Variants in IGF1R observed in about 807,000 individuals in gnomAD.
IGF1R encodes the protein insulin-like growth factor 1 receptor.
Under a neutral mutation model 144.6 loss-of-function variants are expected in IGF1R, and 44 were observed. The ratio of observed to expected loss-of-function variants is 0.30; its 90% confidence interval spans 0.24 to 0.39. IGF1R has a LOEUF of 0.39. Among genes scored for constraint, IGF1R ranks in the 10% least tolerant of loss-of-function variants. The probability of loss-of-function intolerance (pLI) is 1.00; values close to 1 mark genes in which losing one functional copy is unlikely to be tolerated. For synonymous variants in IGF1R, 795 were observed against 722.8 expected, an observed-to-expected ratio of 1.10 and a Z score of -1.60; for missense variants, 1,355 against 1,833.7, an observed-to-expected ratio of 0.74 and a Z score of 4.77.
At position 98,922,286 on chromosome 15, in the gene IGF1R, C is replaced by G. The variant is rs2015523325; in HGVS notation, c.2340C>G (p.Ser780Arg). The G allele has an allele frequency of 1.5e-5, 24 of 1,614,162 alleles. No individual in the cohort carries two copies. The highest frequency in any genetic ancestry group is 2.0e-5 in the Non-Finnish European group (24 of 1,180,022). ...AGACAGAGTACCCTTTCTTTGAGAG[C>G]AGAGTGGATAACAAGGAGAGAACTG... Reference protein sequence around the residue: ...ELETEYPFFESRVDNKERTVI... With the variant: ...ELETEYPFFERRVDNKERTVI... The change falls in exon 11 of 21, where the codon AGC (serine) becomes AGG (arginine). Residue 780 changes from serine (S) to arginine (R), a missense_variant. Transcript: ENST00000650285.
intron 2 of IGF1R, among the ~76,000 whole-genome samples, chr15:98,743,674 G>A (rs1338484811): frequency 6.6e-6 from 1 of 152,206 alleles, no homozygotes; most frequent in Non-Finnish European, 1.5e-5. Flanking sequence ...GGATCAGTGG[G>A]AGATTAGTGT....
intron 2 of IGF1R, among the ~76,000 whole-genome samples, chr15:98,888,891 T>C (rs2013773681): frequency 6.6e-6 from 1 of 152,244 alleles, no homozygotes; most frequent in Non-Finnish European, 1.5e-5. Context: ...AAGTTCCTTT[T>C]ATCTCGCTTC....
intron 2 of IGF1R, among the ~76,000 whole-genome samples, chr15:98,855,217 C>G (rs953029146): frequency 2.0e-5 from 3 of 152,214 alleles, no homozygotes; most frequent in Non-Finnish European, 1.5e-5. Context: ...AGGACAGTCT[C>G]ATTTAATGGC....
intron 2 of IGF1R, among the ~76,000 whole-genome samples, chr15:98,719,986 AGC>A (rs1409941677): frequency 6.6e-6 from 1 of 152,226 alleles, no homozygotes; most frequent in Admixed American, 6.5e-5. Flanking sequence ...TGACCCCTTC[AGC>A]AAAAAATAAA....
In IGF1R at chr15:98,908,836, G is replaced by A. The variant is rs2151670314; in HGVS notation, c.1399G>A (p.Gly467Arg). Residue 467 changes from glycine (G) to arginine (R), a missense_variant, in exon 6 of 21, where the codon GGG (glycine) becomes AGG (arginine). Gly to Arg is a moderately radical substitution (Grantham distance 125). Coordinates refer to ENST00000650285, the MANE Select transcript of IGF1R (RefSeq NM_000875.5). Reference protein sequence around the residue: ...SEIYRMEEVTGTKGRQSKGDI... With the variant: ...SEIYRMEEVTRTKGRQSKGDI... ...AATTTACCGCATGGAGGAAGTGACGGGGACTAAAGGGCGCCAAAGCAAAGG... is the reference window on the plus strand; with the variant it reads ...AATTTACCGCATGGAGGAAGTGACGAGGACTAAAGGGCGCCAAAGCAAAGG... The A allele has an allele frequency of 6.2e-7, 1 of 1,614,186 alleles. No individual in the cohort carries two copies. The highest frequency in any genetic ancestry group is 8.5e-7 in the Non-Finnish European group (1 of 1,180,028).
chr15:98,690,781 A>AT (rs1193554244), intron 1 of IGF1R, among the ~76,000 whole-genome samples: 1 of 152,018 alleles, frequency 6.6e-6, no homozygotes, highest in Admixed American at 6.5e-5. Context: ...CCTTCCAGGC[A>AT]TTTTTTCCAT....
At position 98,910,920 on chromosome 15, in the gene IGF1R, CTT is replaced by C. The variant is rs1466973482; in HGVS notation, c.1463-394_1463-393del. Among the ~76,000 whole-genome samples the C allele has an allele frequency of 6.6e-5, 10 of 152,244 alleles. No homozygotes were observed. The East Asian group carries it at 1.9e-3, about 29-fold the overall frequency. On this transcript the variant is annotated intron_variant, in intron 6 of 20. Transcript: ENST00000650285. ...CTGCAGAACAAGTGTCATCGTCTCTCTTAAGAAGTTTCAGGGCAGCCTAAAGG... is the reference window on the plus strand; with the variant it reads ...CTGCAGAACAAGTGTCATCGTCTCTCAAGAAGTTTCAGGGCAGCCTAAAGG...
intron 1 of IGF1R, among the ~76,000 whole-genome samples, chr15:98,686,601 T>C (rs897299991): frequency 2.0e-5 from 3 of 152,220 alleles, no homozygotes; most frequent in African/African-American, 7.2e-5. Context: ...TTCTAATGGA[T>C]GTGAGGTGGT....
At chr15:98,655,188 G>C (rs2052455681) in intron 1 of IGF1R, among the ~76,000 whole-genome samples, 1 of 133,956 alleles carries the variant, frequency 7.5e-6, no homozygotes, top group African/African-American at 2.5e-5. Flanking sequence ...AGTAAACAAA[G>C]GATCTTTAAA....
chr15:98,850,199 A>G (rs1435005595), intron 2 of IGF1R, among the ~76,000 whole-genome samples: 1 of 152,216 alleles, frequency 6.6e-6, no homozygotes, highest in Non-Finnish European at 1.5e-5. Context: ...GAATCACCTC[A>G]TGAAGAAAAT....
rs142319682 is a variant in IGF1R, at chr15:98,891,828, C to T, written c.953+191C>T. ...TCTAGGAACAATTGGCATGGCTTAC[C>T]GCCCCCCTCACCAGTTTGTTTTATA... On this transcript the variant is annotated intron_variant, in intron 3 of 20. Transcript: ENST00000650285. This position sits in a 1 kb window ranked among gnomAD's most constrained non-coding sequence, Gnocchi z 4.7. Among the ~76,000 whole-genome samples the T allele has an allele frequency of 2.0e-5, 3 of 152,282 alleles. No homozygotes were observed. The highest frequency in any genetic ancestry group is 2.1e-4 in the South Asian group (1 of 4,820).
At chr15:98,681,631 CG>C (rs1039899008) in intron 1 of IGF1R, among the ~76,000 whole-genome samples, 24 of 152,050 alleles carry the variant, frequency 1.6e-4, no homozygotes, top group African/African-American at 5.6e-4. Context: ...CCATCCCTGT[CG>C]GGGGCTCATG....
At chr15:98,691,735 T>G (rs1336574020) in intron 1 of IGF1R, among the ~76,000 whole-genome samples, 4 of 152,154 alleles carry the variant, frequency 2.6e-5, no homozygotes, top group Non-Finnish European at 5.9e-5. Context: ...ATGCCCTCCC[T>G]TCAGTGATTT....
intron 2 of IGF1R, among the ~76,000 whole-genome samples, chr15:98,850,081 T>A (rs1282095889): frequency 6.6e-6 from 1 of 152,216 alleles, no homozygotes; most frequent in Non-Finnish European, 1.5e-5. Context: ...GTTGTGCAGT[T>A]GTTCATTGTA....
intron 2 of IGF1R, among the ~76,000 whole-genome samples, chr15:98,846,616 C>A (rs1408859814): frequency 6.6e-6 from 1 of 152,192 alleles, no homozygotes; most frequent in Non-Finnish European, 1.5e-5. Context: ...TTCATGCACA[C>A]TGGTCTTCTC....
At position 98,870,391 on chromosome 15, in the gene IGF1R, G is replaced by A. The variant is rs2043473116; in HGVS notation, c.641-20934G>A. On this transcript the variant is annotated intron_variant, in intron 2 of 20. Coordinates refer to ENST00000650285, the MANE Select transcript of IGF1R (RefSeq NM_000875.5). ...GGGCTGCAGGAATGGCACCTACTCA[G>A]AGAGGGCGGTCAGGAGAGACCTCTT... Among the ~76,000 whole-genome samples the A allele has an allele frequency of 4.6e-5, 7 of 152,234 alleles. 1 individual carries two copies. The South Asian group carries it at 1.4e-3, about 31-fold the overall frequency.
At chr15:98,690,394 G>A (rs1418822452) in intron 1 of IGF1R, among the ~76,000 whole-genome samples, 1 of 152,114 alleles carries the variant, frequency 6.6e-6, no homozygotes, top group East Asian at 1.9e-4. Context: ...AGGAGGTAAG[G>A]AGTAAACATG....
intron 2 of IGF1R, among the ~76,000 whole-genome samples, chr15:98,818,564 T>A (rs2056742211): frequency 6.6e-6 from 1 of 151,410 alleles, no homozygotes; most frequent in Non-Finnish European, 1.5e-5. Flanking sequence ...GGTGAAATAA[T>A]TAGTTGGGGA....
chr15:98,726,435 T>C (rs1303442662), intron 2 of IGF1R, among the ~76,000 whole-genome samples: 4 of 152,224 alleles, frequency 2.6e-5, no homozygotes, highest in Non-Finnish European at 5.9e-5. Context: ...AAGAAACTTT[T>C]AAATCTTTGG....
Sources: allele counts gnomAD v4.1 joint callset (sites outside exome capture counted in the v4.1 genomes callset), GRCh38; gene constraint gnomAD v4.1.1; non-coding constraint Gnocchi (gnomAD v3.1); transcripts MANE v1.5; gene names NCBI Gene and HGNC (gene_info 2026-07-23, HGNC 2026-07-21).